Variants in NOL4 observed in about 807,000 individuals in gnomAD.
The protein encoded by NOL4 is cancer/testis antigen 125.
A neutral mutation model predicts 75.9 loss-of-function variants in NOL4; 17 were observed. That is an observed-to-expected ratio of 0.22 (90% confidence interval 0.15 to 0.34). NOL4 has a LOEUF of 0.34. Ranked by LOEUF, NOL4 falls within the 10% of genes least tolerant of loss-of-function variation. NOL4 has a pLI of 1.00. For synonymous variants in NOL4, 292 were observed against 289.9 expected, an observed-to-expected ratio of 1.01 and a Z score of -0.07; for missense variants, 614 against 793.5, an observed-to-expected ratio of 0.77 and a Z score of 2.72.
At chr18:34,073,018 C>A (rs1480580294) in intron 5 of NOL4, among the ~76,000 whole-genome samples, 1 of 151,832 alleles carries the variant, frequency 6.6e-6, no homozygotes, top group East Asian at 1.9e-4. Flanking sequence ...TAGCCAGGGA[C>A]AAAACAAATT....
intron 9 of NOL4, among the ~76,000 whole-genome samples, chr18:33,938,548 T>G (rs555698984): frequency 4.6e-5 from 7 of 152,298 alleles, no homozygotes; most frequent in African/African-American, 1.7e-4. Context: ...ATGAGCTCTT[T>G]TCATATGTTT....
At chr18:34,193,464 A>G (rs2035069052) in intron 1 of NOL4, among the ~76,000 whole-genome samples, 1 of 152,184 alleles carries the variant, frequency 6.6e-6, no homozygotes, top group Non-Finnish European at 1.5e-5. Context: ...AGACATACAA[A>G]CAGCCAATAT....
At chr18:33,932,138 A>G (rs908524845) in intron 9 of NOL4, among the ~76,000 whole-genome samples, 1 of 152,014 alleles carries the variant, frequency 6.6e-6, no homozygotes, top group African/African-American at 2.4e-5. Context: ...GTATCCCCAC[A>G]TTTCCACATT....
chr18:33,851,491 A>T lies in NOL4; in HGVS notation c.*1351T>A, dbSNP rs2062633644. 6.6e-6 allele frequency: 1 copy of T among 152,536 alleles called. No homozygotes were observed. The highest frequency in any genetic ancestry group is 2.4e-5 in the African/African-American group (1 of 41,444). The allele number at this position is 152,536 out of a possible 1,614,324, so 9.4% of individuals were successfully genotyped here. On this transcript the variant is annotated 3_prime_UTR_variant, in exon 11 of 11. Transcript: ENST00000261592. ...ACTGATGCCTCAAACTCATTGTCAA[A>T]AACTGAATGACATAAATTTTACATG... is the stretch of plus-strand genomic sequence containing the variant.
chr18:34,048,226 C>T (rs975838724), intron 5 of NOL4, among the ~76,000 whole-genome samples: 2 of 152,112 alleles, frequency 1.3e-5, no homozygotes, highest in African/African-American at 4.8e-5. Flanking sequence ...TTTTACCATG[C>T]TCCTGAGATT....
intron 1 of NOL4, among the ~76,000 whole-genome samples, chr18:34,178,902 T>A (rs752414772): frequency 6.6e-6 from 1 of 151,674 alleles, no homozygotes; most frequent in African/African-American, 2.4e-5. Context: ...GTTTTCTCTA[T>A]TGTACATGTA....
intron 9 of NOL4, among the ~76,000 whole-genome samples, chr18:33,931,272 C>T (rs963787415): frequency 6.6e-6 from 1 of 152,114 alleles, no homozygotes; most frequent in Non-Finnish European, 1.5e-5. Flanking sequence ...CATAGCAGTG[C>T]TTTTCAAAGT....
At chr18:34,222,459 C>CT in intron 1 of NOL4, 1 of 1,091,478 alleles carries the variant, frequency 9.2e-7, no homozygotes, top group Non-Finnish European at 1.1e-6. Flanking sequence ...GGGCAGCGAT[C>CT]TAACGATAAA....
intron 6 of NOL4, among the ~76,000 whole-genome samples, chr18:33,987,293 T>C (rs1458688295): frequency 6.6e-6 from 1 of 152,040 alleles, no homozygotes; most frequent in Non-Finnish European, 1.5e-5. Flanking sequence ...AAGTACATCA[T>C]ACAGCAGTTG....
intron 5 of NOL4, among the ~76,000 whole-genome samples, chr18:34,047,783 C>T (rs2076448723): frequency 6.6e-6 from 1 of 152,050 alleles, no homozygotes. Flanking sequence ...AACAAACCCA[C>T]ATAGACGTAG....
intron 5 of NOL4, among the ~76,000 whole-genome samples, chr18:34,050,558 G>C (rs1485863867): frequency 1.3e-5 from 2 of 152,016 alleles, no homozygotes; most frequent in Non-Finnish European, 2.9e-5. Context: ...AAGTAGTTAT[G>C]GTGAGTGTGC....
chr18:33,950,272 T>C (rs2069125408), intron 8 of NOL4, among the ~76,000 whole-genome samples: 2 of 152,082 alleles, frequency 1.3e-5, no homozygotes, highest in African/African-American at 4.8e-5. Flanking sequence ...AAATGTTATA[T>C]AACTGTTTTC....
intron 6 of NOL4, among the ~76,000 whole-genome samples, chr18:33,961,878 G>A (rs1040510142): frequency 1.2e-4 from 19 of 152,238 alleles, no homozygotes; most frequent in Admixed American, 3.9e-4. Context: ...TGTAAAGGAA[G>A]ATGAATGCCA....
chr18:33,900,391 A>T (rs989885747), intron 9 of NOL4, among the ~76,000 whole-genome samples: 1 of 152,126 alleles, frequency 6.6e-6, no homozygotes, highest in African/African-American at 2.4e-5. Context: ...ACAATTCAAC[A>T]TGAGATATGG....
In NOL4 at chr18:34,222,343, T is replaced by C; in HGVS notation, c.264+647A>G. 4 of 1,039,430 alleles carry C rather than the reference T, an allele frequency of 3.8e-6. No individual in the cohort carries two copies. In the South Asian group the frequency reaches 7.3e-5, roughly 19 times the overall value. The allele number at this position is 1,039,430 out of a possible 1,614,324, so 64.4% of individuals were successfully genotyped here. A position where few individuals can be genotyped will look rare whatever the true frequency, so the allele number is the denominator to read the frequency against. On this transcript the variant is annotated intron_variant, in intron 1 of 10. Transcript: ENST00000261592. ...TGGAAGAGGGAAGTGAGGAAGGGAA[T>C]GGGGGGGCGGGGAGGAGGAATCTCC...
chr18:34,129,017 G>A (rs1373269046), intron 2 of NOL4: 1 of 182,780 alleles, frequency 5.5e-6, no homozygotes, highest in Non-Finnish European at 1.0e-5. Flanking sequence ...TGCTGACAAA[G>A]TAATTCGGAT....
chr18:33,887,177 T>A (rs1380371313), intron 9 of NOL4, among the ~76,000 whole-genome samples: 1 of 145,726 alleles, frequency 6.9e-6, no homozygotes, highest in Admixed American at 7.0e-5. Flanking sequence ...TATAGATGTA[T>A]CTATTATATA....
chr18:33,938,283 A>T (rs1366402051), intron 9 of NOL4, among the ~76,000 whole-genome samples: 1 of 152,058 alleles, frequency 6.6e-6, no homozygotes, highest in Non-Finnish European at 1.5e-5. Flanking sequence ...TTGCCCAACA[A>T]GTTTTTAGTA....
intron 1 of NOL4, among the ~76,000 whole-genome samples, chr18:34,167,573 C>T (rs367934151): frequency 9.6e-5 from 10 of 104,638 alleles, no homozygotes; most frequent in Admixed American, 8.9e-4. Context: ...GACAGACAGA[C>T]AGATAGATAG....
Sources: allele counts gnomAD v4.1 joint callset (sites outside exome capture counted in the v4.1 genomes callset), GRCh38; gene constraint gnomAD v4.1.1; transcripts MANE v1.5; gene names NCBI Gene and HGNC (gene_info 2026-07-23, HGNC 2026-07-21).